The following CHST15 variants were observed in gnomAD, a reference collection of about 807,000 sequenced individuals.
CHST15 encodes B cell RAG associated protein (GALNAC4S-6ST).
A neutral mutation model predicts 53.6 loss-of-function variants in CHST15; 30 were observed. That is an observed-to-expected ratio of 0.56 (90% CI 0.42 to 0.76). CHST15 has a LOEUF of 0.76. Among genes scored for constraint, CHST15 ranks in the 30% least tolerant of loss-of-function variants. The pLI, the probability that CHST15 is intolerant of heterozygous loss-of-function variation, is 0.00. For synonymous variants in CHST15, 296 were observed against 289.8 expected (o/e 1.02, Z -0.22); for missense variants, 627 against 740.5 (o/e 0.85, Z 1.78).
At chr10:124,044,501 A>G (rs1947881877) in intron 3 of CHST15, 79 bp downstream of exon 3, 3 of 1,221,494 alleles carry the variant, frequency 2.5e-6, no homozygotes, top group African/African-American at 1.5e-5. Flanking sequence ...TCGCCCCCCA[A>G]CCCCAGCGCT....
At chr10:124,072,817 G>T (rs1948961250) in intron 1 of CHST15, among the ~76,000 whole-genome samples, 1 of 152,192 alleles carries the variant, frequency 6.6e-6, no homozygotes, top group African/African-American at 2.4e-5. Flanking sequence ...CCCCAGGAGG[G>T]ACAGGTGCAT....
chr10:124,032,210 T>A lies in CHST15; in HGVS notation c.1190+6305A>T, dbSNP rs141510474. 3.2e-3 allele frequency among the ~76,000 whole-genome samples: 490 copies of A among 152,316 alleles called. 2 individuals carry two copies. Among genetic ancestry groups the A allele is most frequent in the African/African-American group, 0.011 (468 of 41,574 alleles). Reference sequence around the variant, plus strand: ...AAAAGAACTAGCCAGGTTCCAAGACTCCAGGGGTTTGGGTCAAAATCGAGT... The same window carrying A: ...AAAAGAACTAGCCAGGTTCCAAGACACCAGGGGTTTGGGTCAAAATCGAGT... On this transcript the variant is annotated intron_variant, in intron 5 of 7. Transcript: ENST00000435907.
chr10:124,093,257 A>G lies in CHST15; in HGVS notation c.-513+212T>C, dbSNP rs572554023. On this transcript the variant is annotated intron_variant, in intron 1 of 7. Transcript: ENST00000435907. ...ATTGTCTGCCTGGGCCGCCGCCGCC[A>G]CCGCCACCGCCACCACCGCGCCGGG... 9.4e-3 allele frequency among the ~76,000 whole-genome samples: 1,430 copies of G among 151,346 alleles called. 22 individuals are homozygous for G. The highest frequency in any genetic ancestry group is 0.033 in the African/African-American group (1,367 of 41,354).
chr10:124,063,010 T>C (rs4387295), intron 1 of CHST15, among the ~76,000 whole-genome samples: 44,589 of 151,780 alleles, frequency 0.29, 6,790 homozygotes, highest in South Asian at 0.42. Flanking sequence ...TCCACCCTGA[T>C]GTGGCCATGA....
At chr10:124,040,922 GTC>G (rs1208189766) in intron 4 of CHST15, among the ~76,000 whole-genome samples, 1 of 152,186 alleles carries the variant, frequency 6.6e-6, no homozygotes, top group African/African-American at 2.4e-5. Flanking sequence ...CATTATCTTA[GTC>G]TCTGTTTCCT....
intron 1 of CHST15, among the ~76,000 whole-genome samples, chr10:124,070,662 A>G (rs1391816155): frequency 6.6e-6 from 1 of 152,126 alleles, no homozygotes; most frequent in Non-Finnish European, 1.5e-5. Context: ...GGAGTGAGCC[A>G]TTGTGCCCGG....
At position 124,082,565 on chromosome 10, in the gene CHST15, A is replaced by C. The variant is rs79140423; in HGVS notation, c.-513+10904T>G. Among the ~76,000 whole-genome samples the C allele has an allele frequency of 2.4e-4, 36 of 152,346 alleles. No homozygotes were observed. In the East Asian group the frequency reaches 6.0e-3, roughly 25 times the overall value. Reference sequence around the variant, plus strand: ...GAAGAAAGTGAAAACGTCTCATAAAACATAACCCTAGAAACGGAAACACAT... The same window carrying C: ...GAAGAAAGTGAAAACGTCTCATAAACCATAACCCTAGAAACGGAAACACAT... On this transcript the variant is annotated intron_variant, in intron 1 of 7. Coordinates refer to ENST00000435907, the MANE Select transcript of CHST15 (RefSeq NM_001270764.2).
In CHST15 at chr10:124,044,631, C is replaced by A; in HGVS notation, c.835G>T (p.Val279Phe). 1 of 1,594,866 alleles carries A rather than the reference C, an allele frequency of 6.3e-7. No homozygotes were observed. Among genetic ancestry groups the A allele is most frequent in the African/African-American group, 1.4e-5 (1 of 74,054 alleles). ...GGCTCCTTGATGGCGGAGAACTTGA[C>A]CTCAGGGTGCAGCCGCAGGCGGTCA... ...LYDRLRLHPEVKFSAIKEPHW... is the reference protein window; with the variant it reads ...LYDRLRLHPEFKFSAIKEPHW... Residue 279 changes from valine to phenylalanine, a missense_variant, in exon 3 of 8, where the codon GTC (valine) becomes TTC (phenylalanine). Transcript: ENST00000435907.
intron 1 of CHST15, among the ~76,000 whole-genome samples, chr10:124,065,013 T>TAGGC (rs1948712939): frequency 6.6e-6 from 1 of 152,150 alleles, no homozygotes; most frequent in Non-Finnish European, 1.5e-5. Context: ...ATTCTAAAGG[T>TAGGC]AGGCAGGCAA....
intron 5 of CHST15, among the ~76,000 whole-genome samples, chr10:124,034,363 G>A (rs760451841): frequency 2.0e-5 from 3 of 152,108 alleles, no homozygotes; most frequent in Non-Finnish European, 4.4e-5. Flanking sequence ...TCAGGCTGGG[G>A]TAAGAGAGAA....
chr10:124,063,388 A>C (rs2134114199), intron 1 of CHST15, among the ~76,000 whole-genome samples: 1 of 152,240 alleles, frequency 6.6e-6, no homozygotes, highest in African/African-American at 2.4e-5. Flanking sequence ...CGTCTCAAAA[A>C]AAAAAGGTCA....
intron 1 of CHST15, among the ~76,000 whole-genome samples, chr10:124,069,053 C>G (rs137872762): frequency 5.9e-5 from 9 of 152,326 alleles, no homozygotes; most frequent in African/African-American, 1.9e-4. Context: ...CAGGACTAGG[C>G]AGGATGAGAA....
At chr10:124,018,964 G>A (rs1590187029) in intron 6 of CHST15, among the ~76,000 whole-genome samples, 1 of 152,184 alleles carries the variant, frequency 6.6e-6, no homozygotes, top group South Asian at 2.1e-4. Flanking sequence ...CCCAGTCCGC[G>A]AGCACGTTCC....
chr10:124,008,516 C>T lies in CHST15; in HGVS notation c.*1633G>A, dbSNP rs28690730. The T allele has an allele frequency of 0.11, 109,027 of 992,488 alleles. 6,156 individuals are homozygous for T. Among genetic ancestry groups the T allele is most frequent in the Admixed American group, 0.17 (2,860 of 17,292 alleles). 61.5% of individuals were successfully genotyped at this position (992,488 alleles called of 1,614,324 possible). On this transcript the variant is annotated 3_prime_UTR_variant, in exon 8 of 8. Transcript: ENST00000435907. The stretch of plus-strand genomic sequence containing the variant: ...CCTGCAAGTGGGAGTTCAGGACACA[C>T]GCTCCTTCAGTAGCAAAAACAGCCC...
At chr10:124,011,105 T>C (rs2133814793) in intron 7 of CHST15, 1 of 982,232 alleles carries the variant, frequency 1.0e-6, no homozygotes, top group Non-Finnish European at 1.2e-6. Flanking sequence ...CCCCGCCCTC[T>C]GGAGTGAGAG....
intron 1 of CHST15, among the ~76,000 whole-genome samples, chr10:124,072,800 G>A (rs1948960670): frequency 6.6e-6 from 1 of 152,178 alleles, no homozygotes; most frequent in African/African-American, 2.4e-5. Context: ...TGACCACGTG[G>A]GCAGAACCCC....
chr10:124,074,549 C>T lies in CHST15; in HGVS notation c.-513+18920G>A, dbSNP rs1949016364. Among the ~76,000 whole-genome samples the T allele has an allele frequency of 6.6e-6, 1 of 152,084 alleles. No homozygotes were observed. The highest frequency in any genetic ancestry group is 1.9e-4 in the East Asian group (1 of 5,186). ...ACCTCACTGGGGACTTACATAACAT[C>T]CCCCTGCACACCCAACACCTTCGCC... is the stretch of plus-strand genomic sequence containing the variant. On this transcript the variant is annotated intron_variant, in intron 1 of 7. Coordinates refer to ENST00000435907, the MANE Select transcript of CHST15 (RefSeq NM_001270764.2). The surrounding 1 kb of genome is among the most constrained non-coding windows in gnomAD (Gnocchi z 4.4).
chr10:124,029,871 G>A (rs547107241), intron 5 of CHST15, among the ~76,000 whole-genome samples: 1 of 152,302 alleles, frequency 6.6e-6, no homozygotes, highest in African/African-American at 2.4e-5. Flanking sequence ...AACTGTGGCT[G>A]CCCCAGGGTC....
At chr10:124,083,169 T>A (rs1949307966) in intron 1 of CHST15, among the ~76,000 whole-genome samples, 2 of 152,294 alleles carry the variant, frequency 1.3e-5, no homozygotes, top group South Asian at 4.1e-4. Flanking sequence ...TTTTAATAAA[T>A]CAGTTGAGAA....
Sources: gnomAD v4.1 joint callset for allele counts (sites outside exome capture counted in the v4.1 genomes callset) on GRCh38, gnomAD v4.1.1 for gene constraint, Gnocchi (gnomAD v3.1) non-coding constraint, MANE v1.5 for transcripts, NCBI Gene and HGNC (gene_info 2026-07-23, HGNC 2026-07-21) for gene names.